The following PLEKHA7 variants were observed in gnomAD, a reference collection of about 807,000 sequenced individuals.
The protein encoded by PLEKHA7 is pleckstrin homology domain-containing family A member 7.
Under a neutral mutation model 170.0 loss-of-function variants are expected in PLEKHA7, and 104 were observed. That is an observed-to-expected ratio of 0.61 (90% CI 0.52 to 0.72). The LOEUF (loss-of-function observed/expected upper bound fraction) is 0.72, where lower values mean the gene tolerates loss of function less well. PLEKHA7 is among the 30% of genes least tolerant of loss of function. PLEKHA7 has a pLI of 0.00. For missense variants in PLEKHA7, 1,615 were observed against 1,671.7 expected, an observed-to-expected ratio of 0.97 and a Z score of 0.59; for synonymous variants, 648 against 660.8, an observed-to-expected ratio of 0.98 and a Z score of 0.30.
At chr11:16,824,938 A>G (rs1850520592) in intron 10 of PLEKHA7, among the ~76,000 whole-genome samples, 1 of 152,202 alleles carries the variant, frequency 6.6e-6, no homozygotes, top group South Asian at 2.1e-4. Flanking sequence ...GTCCTCAGAC[A>G]GTAGCTTTCT....
At chr11:16,870,475 A>C (rs1854740589) in intron 4 of PLEKHA7, among the ~76,000 whole-genome samples, 1 of 151,978 alleles carries the variant, frequency 6.6e-6, no homozygotes. Flanking sequence ...CAAAAAATAC[A>C]AAAATATGCT....
chr11:16,999,876 G>A (rs1864562646), intron 3 of PLEKHA7, among the ~76,000 whole-genome samples: 1 of 152,106 alleles, frequency 6.6e-6, no homozygotes, highest in African/African-American at 2.4e-5. Context: ...CTGACTCCCA[G>A]CCCCACCCCA....
chr11:16,996,700 G>C (rs1864359909), intron 3 of PLEKHA7, among the ~76,000 whole-genome samples: 2 of 152,156 alleles, frequency 1.3e-5, no homozygotes, highest in African/African-American at 4.8e-5. Flanking sequence ...ACTTTGGGAG[G>C]CCGAGGCGGG....
At chr11:16,785,635 T>C (rs1169429955) in intron 24 of PLEKHA7, among the ~76,000 whole-genome samples, 5 of 152,172 alleles carry the variant, frequency 3.3e-5, no homozygotes, top group Non-Finnish European at 7.4e-5. Context: ...CATTTCCTGA[T>C]GGGTAGAGAT....
intron 3 of PLEKHA7, among the ~76,000 whole-genome samples, chr11:16,953,498 C>T (rs1861525980): frequency 6.6e-6 from 1 of 152,054 alleles, no homozygotes; most frequent in Admixed American, 6.6e-5. Context: ...ATAAGCTAAA[C>T]CAAATGATAA....
chr11:16,800,879 G>A, intron 17 of PLEKHA7, 95 bp downstream of exon 17: 1 of 1,053,924 alleles, frequency 9.5e-7, no homozygotes, highest in East Asian at 2.4e-5. Context: ...ACTCTGAGCA[G>A]TGCTCACAAC....
At chr11:16,836,050 C>T (rs1040002896) in intron 9 of PLEKHA7, among the ~76,000 whole-genome samples, 4 of 152,224 alleles carry the variant, frequency 2.6e-5, no homozygotes, top group Admixed American at 1.3e-4. Context: ...TGTCCCTGGC[C>T]ATGGAAGATG....
At chr11:16,823,376 C>T (rs1047531851) in intron 10 of PLEKHA7, among the ~76,000 whole-genome samples, 1 of 152,090 alleles carries the variant, frequency 6.6e-6, no homozygotes, top group African/African-American at 2.4e-5. Flanking sequence ...AAATCTCTGG[C>T]GTTGGGCCTC....
chr11:16,858,576 T>C (rs1590364561), intron 4 of PLEKHA7, among the ~76,000 whole-genome samples: 1 of 151,346 alleles, frequency 6.6e-6, no homozygotes. Flanking sequence ...CACTGCAACC[T>C]CCGCCTCCCA....
At chr11:16,782,173 C>CACACACACACA (rs60089285) in intron 26 of PLEKHA7, among the ~76,000 whole-genome samples, 1 of 151,156 alleles carries the variant, frequency 6.6e-6, no homozygotes, top group East Asian at 1.9e-4. Flanking sequence ...ACACACACAC[C>CACACACACACA]CACACACACA....
At chr11:16,888,496 T>C (rs1284166384) in intron 3 of PLEKHA7, among the ~76,000 whole-genome samples, 1 of 152,312 alleles carries the variant, frequency 6.6e-6, no homozygotes, top group Non-Finnish European at 1.5e-5. Context: ...TGTTCTGTAC[T>C]AAGAAAAATT....
intron 3 of PLEKHA7, among the ~76,000 whole-genome samples, chr11:17,006,407 G>A (rs978763323): frequency 1.3e-5 from 2 of 151,280 alleles, no homozygotes; most frequent in East Asian, 3.9e-4. Context: ...CAGGCGGATT[G>A]CCTGAGGTTA....
chr11:16,867,525 A>AT (rs1854490541), intron 4 of PLEKHA7, among the ~76,000 whole-genome samples: 1 of 152,176 alleles, frequency 6.6e-6, no homozygotes, highest in African/African-American at 2.4e-5. Context: ...AACACACTAC[A>AT]TAACAAAATT....
At chr11:16,845,615 C>A (rs1356261410) in intron 8 of PLEKHA7, among the ~76,000 whole-genome samples, 2 of 152,216 alleles carry the variant, frequency 1.3e-5, no homozygotes, top group African/African-American at 4.8e-5. Flanking sequence ...GATCCACCCA[C>A]CTTGGCTTCC....
chr11:16,818,258 AAC>A (rs1474573881), intron 10 of PLEKHA7, among the ~76,000 whole-genome samples: 1 of 152,212 alleles, frequency 6.6e-6, no homozygotes, highest in Non-Finnish European at 1.5e-5. Flanking sequence ...CCTTACTTGT[AAC>A]AGGAGGATAG....
chr11:16,841,961 T>G (rs928644498), intron 8 of PLEKHA7, among the ~76,000 whole-genome samples: 1 of 152,204 alleles, frequency 6.6e-6, no homozygotes, highest in Non-Finnish European at 1.5e-5. Context: ...CCTATTTATC[T>G]TACTCCTGCT....
At chr11:16,829,010 T>TTCC (rs1277292863) in intron 9 of PLEKHA7, among the ~76,000 whole-genome samples, 3 of 152,096 alleles carry the variant, frequency 2.0e-5, no homozygotes, top group Admixed American at 1.3e-4. Context: ...AATAAATTCC[T>TTCC]TCTTTTTTTT....
intron 3 of PLEKHA7, among the ~76,000 whole-genome samples, chr11:16,957,272 G>A (rs1217565254): frequency 6.6e-6 from 1 of 152,154 alleles, no homozygotes; most frequent in Non-Finnish European, 1.5e-5. Flanking sequence ...TTAAAAAACT[G>A]GAAACAATCT....
At chr11:16,956,471 A>G (rs1861709530) in intron 3 of PLEKHA7, among the ~76,000 whole-genome samples, 1 of 152,214 alleles carries the variant, frequency 6.6e-6, no homozygotes, top group Non-Finnish European at 1.5e-5. Context: ...GTCACATAAC[A>G]CAGCAAAGAT....
Sources: gnomAD v4.1 joint callset for allele counts (sites outside exome capture counted in the v4.1 genomes callset) on GRCh38, gnomAD v4.1.1 for gene constraint, MANE v1.5 for transcripts, NCBI Gene and HGNC (gene_info 2026-07-23, HGNC 2026-07-21) for gene names.